Variants in LAS1L observed in about 807,000 individuals in gnomAD.
LAS1L encodes ribosomal biogenesis protein LAS1L.
Under a neutral mutation model 57.3 loss-of-function variants are expected in LAS1L, and 5 were observed. The observed-to-expected ratio is 0.09, with a 90% CI of 0.05 to 0.18. LAS1L has a LOEUF of 0.18. LAS1L is among the 10% of genes least tolerant of loss of function. The pLI is 1.00. For synonymous variants in LAS1L, 245 were observed against 231.7 expected (o/e 1.06, Z -0.52); for missense variants, 360 against 568.3 (o/e 0.63, Z 3.73).
chrX:65,518,468 G>A lies in LAS1L; in HGVS notation c.1449-3C>T. Reference sequence around the variant, plus strand: ...CCTGCCCCATGGCTTTGAAGATGCTGAGCAAAGGGAGGGATGGGGTAGGAA... The same window carrying A: ...CCTGCCCCATGGCTTTGAAGATGCTAAGCAAAGGGAGGGATGGGGTAGGAA... On this transcript the variant is annotated splice_region_variant and splice_polypyrimidine_tract_variant and intron_variant, in intron 11 of 13. Coordinates refer to ENST00000374811, the MANE Select transcript of LAS1L (RefSeq NM_031206.7). 2 of 1,188,266 alleles carry A rather than the reference G, an allele frequency of 1.7e-6. No individual in the cohort carries two copies.
chrX:65,532,507 T>A, intron 3 of LAS1L, 54 bp downstream of exon 3: 1 of 936,445 alleles, frequency 1.1e-6, no homozygotes. Context: ...CCATGCCCCA[T>A]TTGGTGAGCC....
chrX:65,523,118 T>C (rs2068946200), intron 11 of LAS1L: 1 of 115,387 alleles, frequency 8.7e-6, no homozygotes, highest in Non-Finnish European at 1.8e-5. Flanking sequence ...TCTTTGAATG[T>C]CAGGCTAAGA....
Position 65,520,666 on chromosome X carries a change from C to T in LAS1L, c.1449-2201G>A, listed in dbSNP as rs192313283. The T allele has an allele frequency of 8.0e-6, 6 of 752,486 alleles. No homozygotes were observed. The African/African-American group carries it at 1.4e-4, about 18-fold the overall frequency. The allele number at this position is 752,486 out of a possible 1,213,427, so 62.0% of individuals were successfully genotyped here. Reference sequence around the variant, plus strand: ...GATTAGGACTAGATTCACTGCTTATCTGGGAAAGGCAGGATCTGTGCACAA... The same window carrying T: ...GATTAGGACTAGATTCACTGCTTATTTGGGAAAGGCAGGATCTGTGCACAA... On this transcript the variant is annotated intron_variant, in intron 11 of 13. Coordinates refer to ENST00000374811, the MANE Select transcript of LAS1L (RefSeq NM_031206.7).
At chrX:65,519,842 A>T (rs145578595) in intron 11 of LAS1L, among the ~76,000 whole-genome samples, 3,046 of 111,307 alleles carry the variant, frequency 0.027, 100 homozygotes, top group African/African-American at 0.095. Context: ...TGGGGGGCTG[A>T]TGACTTCACT....
chrX:65,518,876 TCTC>T, intron 11 of LAS1L: 1 of 754,538 alleles, frequency 1.3e-6, no homozygotes, highest in Non-Finnish European at 1.6e-6. Context: ...ATCCCTCTCT[TCTC>T]TGGCCTAGCT....
chrX:65,524,534 G>A, intron 9 of LAS1L, 30 bp downstream of exon 9: 1 of 523,439 alleles, frequency 1.9e-6, no homozygotes, highest in Non-Finnish European at 3.5e-6. Flanking sequence ...CAGAGATCTG[G>A]TTCTAGCTTC....
rs747107378 is a variant in LAS1L, at chrX:65,525,032, A to C, written c.975T>G (p.Ala325=). ...TCENREAVLD[A]FLDDGFLVPT... is the part of the protein sequence containing the mutation. ...GGACAAGGAAGCCATCATCCAGAAA[A>C]GCATCCAGCACAGCCTCCCTGGAAC... The change falls in exon 8 of 14, where the codon GCT becomes GCG. Residue 325 remains alanine, a synonymous_variant. Coordinates refer to ENST00000374811, the MANE Select transcript of LAS1L (RefSeq NM_031206.7). 13 of 1,207,338 alleles carry C rather than the reference A, an allele frequency of 1.1e-5. No individual in the cohort carries two copies. The highest frequency in any genetic ancestry group is 2.2e-5 in the Admixed American group (1 of 45,666).
intron 4 of LAS1L, among the ~76,000 whole-genome samples, 199 bp downstream of exon 4, chrX:65,531,156 AAT>A (rs1254561924): frequency 8.9e-6 from 1 of 112,227 alleles, no homozygotes. Flanking sequence ...TTTCCACATT[AAT>A]ATGTTATTTA....
rs1225998221 is a variant in LAS1L at position 65,517,248 on chromosome X, TTC to T, written c.1927+737_1927+738del. On this transcript the variant is annotated intron_variant, in intron 12 of 13. Transcript: ENST00000374811. The stretch of plus-strand genomic sequence containing the variant: ...CTAGGTTCCTTCTTTCTTTCTTTCT[TTC>T]TTTTTTTTTTTTTTTGAGACGGAGT... Among the ~76,000 whole-genome samples, 175 of 83,245 alleles carry T rather than the reference TTC, an allele frequency of 2.1e-3. 3 individuals carry two copies. In the African/African-American group the frequency reaches 0.024, roughly 12 times the overall value. 72.3% of individuals were successfully genotyped at this position (83,245 alleles called of 115,157 possible). A position where few individuals can be genotyped will look rare whatever the true frequency, so the allele number is the denominator to read the frequency against.
chrX:65,524,501 C>A (rs903412964), intron 9 of LAS1L, 63 bp downstream of exon 9: 21 of 511,967 alleles, frequency 4.1e-5, no homozygotes, highest in Non-Finnish European at 6.8e-5. Flanking sequence ...CAACAACTGA[C>A]TCAAAATAAA....
At chrX:65,525,195 G>T in intron 7 of LAS1L, 145 bp from the exon 8 acceptor site, 1 of 465,260 alleles carries the variant, frequency 2.1e-6, no homozygotes, top group Non-Finnish European at 3.7e-6. Flanking sequence ...GGGTAGGAGT[G>T]GGGAGGAAGG....
intron 7 of LAS1L, among the ~76,000 whole-genome samples, chrX:65,526,283 T>C (rs933579789): frequency 3.6e-5 from 4 of 111,335 alleles, no homozygotes; most frequent in Admixed American, 2.9e-4. Flanking sequence ...GATATAGACA[T>C]TCTCCTAACT....
At chrX:65,528,182 G>A in intron 7 of LAS1L, 78 bp downstream of exon 7, 1 of 629,133 alleles carries the variant, frequency 1.6e-6, no homozygotes, top group Non-Finnish European at 2.6e-6. Flanking sequence ...GGCAAGCTAG[G>A]ATAGGGAAAC....
At chrX:65,526,953 T>C (rs999566589) in intron 7 of LAS1L, among the ~76,000 whole-genome samples, 1 of 110,621 alleles carries the variant, frequency 9.0e-6, no homozygotes, top group African/African-American at 3.3e-5. Flanking sequence ...GGCTCACATC[T>C]GTAATCCCAG....
intron 7 of LAS1L, among the ~76,000 whole-genome samples, chrX:65,525,291 A>G (rs2069069343): frequency 8.9e-6 from 1 of 111,903 alleles, no homozygotes; most frequent in African/African-American, 3.3e-5. Context: ...ACAAGTGCTT[A>G]CCAAGCACTA....
Position 65,518,480 on chromosome X carries a change from G to A in LAS1L, c.1449-15C>T, listed in dbSNP as rs1030269090. On this transcript the variant is annotated splice_polypyrimidine_tract_variant and intron_variant, in intron 11 of 13. Coordinates refer to ENST00000374811, the MANE Select transcript of LAS1L (RefSeq NM_031206.7). ...CTTTGAAGATGCTGAGCAAAGGGAG[G>A]GATGGGGTAGGAAAGATTCAAAATC... 3 of 1,177,008 alleles carry A rather than the reference G, an allele frequency of 2.5e-6. No individual in the cohort carries two copies. The highest frequency in any genetic ancestry group is 3.9e-5 in the South Asian group (2 of 51,642).
intron 13 of LAS1L, among the ~76,000 whole-genome samples, chrX:65,514,534 GCACACACA>G (rs56718186): frequency 6.8e-5 from 6 of 88,830 alleles, no homozygotes; most frequent in Non-Finnish European, 1.1e-4. Flanking sequence ...GTGTGTGCCT[GCACACACA>G]CACACACACA....
At position 65,529,213 on chromosome X, in the gene LAS1L, G is replaced by A. The variant is rs770423824; in HGVS notation, c.845C>T (p.Thr282Met). The change falls in exon 6 of 14, where the codon ACG becomes ATG. Residue 282 changes from threonine to methionine, a missense_variant and splice_region_variant. Physicochemically the swap from Thr to Met is moderately conservative, Grantham distance 81. Transcript: ENST00000374811. ...ACCAAGTCCAGGGCACTTTCTTACC[G>A]TAAACTGCTCCTCTTCGTATGATAC... is the stretch of plus-strand genomic sequence containing the variant. ...LLVSYEEEQF[T>M]VLEKFRYLPK... 3 of 1,207,264 alleles carry A rather than the reference G, an allele frequency of 2.5e-6. No homozygotes were observed. The highest frequency in any genetic ancestry group is 3.0e-5 in the East Asian group (1 of 33,825).
chrX:65,534,572 C>T lies in LAS1L; in HGVS notation c.144G>A (p.Arg48=). 8.3e-7 allele frequency: 1 copy of T among 1,208,230 alleles called. No homozygotes were observed. Among genetic ancestry groups the T allele is most frequent in the Non-Finnish European group, 1.1e-6 (1 of 893,657 alleles). Residue 48 remains arginine, a synonymous_variant, in exon 1 of 14, where the codon AGG becomes AGA. Transcript: ENST00000374811. ...AAACCGTCACCTGGTCCCACTCGGC[C>T]CTGCTGAGCCAGGCGACCACGATGC... ...AHGIVVAWLS[R]AEWDQVTVYL... is the part of the protein sequence containing the mutation.
Sources: allele counts gnomAD v4.1 joint callset (sites outside exome capture counted in the v4.1 genomes callset), GRCh38; gene constraint gnomAD v4.1.1; transcripts MANE v1.5; gene names NCBI Gene and HGNC (gene_info 2026-07-23, HGNC 2026-07-21).